The following SUGP2 variants were observed in gnomAD, a reference collection of about 807,000 sequenced individuals.
The protein encoded by SUGP2 is SURP and G-patch domain-containing protein 2.
Under a neutral mutation model 90.5 loss-of-function variants are expected in SUGP2, and 24 were observed. That is an observed-to-expected ratio of 0.27 (90% confidence interval 0.19 to 0.37). The LOEUF is 0.37. SUGP2 is among the 10% of genes least tolerant of loss of function. The pLI, the probability that SUGP2 is intolerant of heterozygous loss-of-function variation, is 1.00. For synonymous variants in SUGP2, 473 were observed against 513.4 expected, an observed-to-expected ratio of 0.92 and a Z score of 1.06; for missense variants, 1,233 against 1,363.3, an observed-to-expected ratio of 0.90 and a Z score of 1.51.
At chr19:18,997,035 G>A (rs981086979) in intron 8 of SUGP2, among the ~76,000 whole-genome samples, 1 of 151,958 alleles carries the variant, frequency 6.6e-6, no homozygotes, top group Non-Finnish European at 1.5e-5. Flanking sequence ...TGGGAAGCAG[G>A]GTGAGAAGGG....
chr19:19,026,001 G>A lies in SUGP2; in HGVS notation c.347C>T (p.Ser116Phe). ...ECGRDLEFSHSDSRDQVIGHR... is the reference protein window; with the variant it reads ...ECGRDLEFSHFDSRDQVIGHR... ...GCCAATGACCTGGTCCCGAGAATCA[G>A]AGTGAGAAAATTCCAGATCCCGGCC... The change falls in exon 3 of 11, where the codon TCT becomes TTT. Residue 116 changes from serine to phenylalanine, a missense_variant. Physicochemically the swap from Ser to Phe is radical, Grantham distance 155. Around this residue, in one of 8 missense-constraint regions of SUGP2, gnomAD observed 418 missense variants for 399.9 expected, o/e 1.05. Coordinates refer to ENST00000452918, the MANE Select transcript of SUGP2 (RefSeq NM_001017392.5). The A allele has an allele frequency of 1.2e-6, 2 of 1,614,124 alleles. No individual in the cohort carries two copies. The highest frequency in any genetic ancestry group is 1.7e-6 in the Non-Finnish European group (2 of 1,180,028).
In SUGP2 at chr19:19,024,930, T is replaced by C. The variant is rs1456275217; in HGVS notation, c.1418A>G (p.Asn473Ser). ...GGCCAAAGACTTCCGGCAGAGAGAG[T>C]TGGTGGTTTCTAGGGCAAGAGCCAA... ...LDLALALETT[N>S]SLCRKSLALL... Residue 473 changes from asparagine to serine, a missense_variant, in exon 3 of 11, where the codon AAC becomes AGC. By Grantham distance (46) the Asn-to-Ser change is conservative. Transcript: ENST00000452918. 2 of 1,613,642 alleles carry C rather than the reference T, an allele frequency of 1.2e-6. No individual in the cohort carries two copies. The highest frequency in any genetic ancestry group is 1.1e-5 in the South Asian group (1 of 91,056).
chr19:19,027,115 G>A (rs983453220), intron 2 of SUGP2, among the ~76,000 whole-genome samples: 1 of 152,076 alleles, frequency 6.6e-6, no homozygotes, highest in Non-Finnish European at 1.5e-5. Context: ...CCCTATCTCT[G>A]TCAAAAATAA....
At chr19:19,007,845 C>T (rs1453437073) in intron 6 of SUGP2, among the ~76,000 whole-genome samples, 6 of 151,076 alleles carry the variant, frequency 4.0e-5, no homozygotes, top group East Asian at 3.9e-4. Context: ...CTGAAACCTC[C>T]GCCTCCCGGG....
At chr19:19,021,496 A>G (rs1364754191) in intron 3 of SUGP2, among the ~76,000 whole-genome samples, 5 of 151,882 alleles carry the variant, frequency 3.3e-5, no homozygotes, top group African/African-American at 4.8e-5. Context: ...AAATTTAGGG[A>G]CCCCTGCAAA....
intron 1 of SUGP2, 53 bp from the exon 2 acceptor site, chr19:19,031,135 C>T (rs1408274329): frequency 1.0e-5 from 16 of 1,576,538 alleles, no homozygotes; most frequent in Admixed American, 7.3e-5. Context: ...GAGCTGGGCG[C>T]GGTGGCTCAT....
chr19:19,013,479 G>A (rs1178838397), intron 4 of SUGP2, among the ~76,000 whole-genome samples: 3 of 151,908 alleles, frequency 2.0e-5, no homozygotes, highest in Admixed American at 2.0e-4. Context: ...ATGGCTAATC[G>A]ACACACATAC....
intron 4 of SUGP2, among the ~76,000 whole-genome samples, chr19:19,013,750 G>A (rs1321710848): frequency 5.9e-5 from 9 of 152,208 alleles, no homozygotes; most frequent in Admixed American, 4.6e-4. Flanking sequence ...GTGTGAACAC[G>A]TAGGACCTGG....
intron 2 of SUGP2, 61 bp from the exon 3 acceptor site, chr19:19,026,287 T>A: frequency 7.0e-7 from 1 of 1,420,108 alleles, no homozygotes; most frequent in Non-Finnish European, 9.2e-7. Flanking sequence ...GACCAGAGAA[T>A]GCAAACAGTG....
chr19:18,997,851 TG>T (rs768208619), intron 8 of SUGP2, among the ~76,000 whole-genome samples: 1 of 149,306 alleles, frequency 6.7e-6, no homozygotes, highest in Non-Finnish European at 1.5e-5. Context: ...CTTTGACAGG[TG>T]GGACTAAAGT....
chr19:19,024,271 C>T (rs1168295548), intron 3 of SUGP2, among the ~76,000 whole-genome samples: 3 of 152,106 alleles, frequency 2.0e-5, no homozygotes, highest in Admixed American at 6.5e-5. Flanking sequence ...CCACCACACC[C>T]GGCTAGTTTT....
rs1016609520 is a variant in SUGP2, at chr19:19,004,605, C to T, written c.2492G>A (p.Arg831Gln). The T allele has an allele frequency of 9.3e-6, 15 of 1,612,662 alleles. No individual in the cohort carries two copies. Among genetic ancestry groups the T allele is most frequent in the South Asian group, 1.1e-5 (1 of 91,008 alleles). Residue 831 changes from arginine (R) to glutamine (Q), a missense_variant, in exon 7 of 11, where the codon CGA (arginine) becomes CAA (glutamine). This residue lies in a region of SUGP2 where 540 missense variants were observed against 542.6 expected (regional missense o/e 1.00). Transcript: ENST00000452918. ...TGGACATAGTTCAAACACTTTCTTT[C>T]GATAGAATTTGAAAGCAGAACTATT... ...DQNSSAFKFYRKKVFELCPSI... is the reference protein window; with the variant it reads ...DQNSSAFKFYQKKVFELCPSI...
chr19:19,022,544 C>A (rs1042768135), intron 3 of SUGP2, among the ~76,000 whole-genome samples: 1 of 152,178 alleles, frequency 6.6e-6, no homozygotes, highest in Non-Finnish European at 1.5e-5. Flanking sequence ...GGCTTTCTGG[C>A]AATCATGTAG....
intron 5 of SUGP2, among the ~76,000 whole-genome samples, chr19:19,009,321 T>C (rs1347287216): frequency 6.6e-6 from 1 of 151,994 alleles, no homozygotes; most frequent in African/African-American, 2.4e-5. Context: ...ACTTAGTGCT[T>C]AGGAAGCACT....
At chr19:19,027,190 G>A (rs990291203) in intron 2 of SUGP2, among the ~76,000 whole-genome samples, 2 of 152,176 alleles carry the variant, frequency 1.3e-5, no homozygotes, top group East Asian at 1.9e-4. Flanking sequence ...TGTAAGAAGC[G>A]AGGAAGAGAA....
intron 2 of SUGP2, among the ~76,000 whole-genome samples, chr19:19,028,999 G>C (rs2059039185): frequency 6.6e-6 from 1 of 151,878 alleles, no homozygotes. Context: ...CTTTTTTTGA[G>C]ACAGGGTCTC....
intron 6 of SUGP2, among the ~76,000 whole-genome samples, chr19:19,006,508 A>C (rs2058083063): frequency 6.6e-6 from 1 of 152,178 alleles, no homozygotes; most frequent in Non-Finnish European, 1.5e-5. Context: ...GGAATCACCC[A>C]AAACCCAACA....
At chr19:19,012,994 G>A (rs2058361351) in intron 4 of SUGP2, among the ~76,000 whole-genome samples, 1 of 152,096 alleles carries the variant, frequency 6.6e-6, no homozygotes, top group Non-Finnish European at 1.5e-5. Flanking sequence ...CTCCCGAGTA[G>A]CTGGGATTAT....
chr19:19,009,133 G>A (rs192015870), intron 5 of SUGP2, among the ~76,000 whole-genome samples: 2 of 152,022 alleles, frequency 1.3e-5, no homozygotes, highest in Admixed American at 6.6e-5. Flanking sequence ...GGCTGGTTGC[G>A]AACTCCTGAG....
Sources: allele counts gnomAD v4.1 joint callset (sites outside exome capture counted in the v4.1 genomes callset), GRCh38; gene constraint gnomAD v4.1.1; regional missense constraint gnomAD v4.1.1; transcripts MANE v1.5; gene names NCBI Gene and HGNC (gene_info 2026-07-23, HGNC 2026-07-21).